The following LMNTD1 variants were observed in gnomAD, a reference collection of about 807,000 sequenced individuals.
LMNTD1 encodes lamin tail domain containing 1.
In LMNTD1, 35 loss-of-function variants were observed where a neutral mutation model predicts 50.9. The observed-to-expected ratio is 0.69, with a 90% CI of 0.53 to 0.91. LMNTD1 has a LOEUF of 0.91. Among genes scored for constraint, LMNTD1 ranks in the 40% least tolerant of loss-of-function variants. The pLI, the probability that LMNTD1 is intolerant of heterozygous loss-of-function variation, is 0.00. For synonymous variants in LMNTD1, 153 were observed against 161.9 expected, an observed-to-expected ratio of 0.94 and a Z score of 0.42; for missense variants, 470 against 475.5, an observed-to-expected ratio of 0.99 and a Z score of 0.11.
intron 4 of LMNTD1, among the ~76,000 whole-genome samples, chr12:25,527,679 TATACACACAC>T (rs1357956804): frequency 2.6e-4 from 5 of 19,260 alleles, no homozygotes; most frequent in South Asian, 4.9e-3. Context: ...TATATATATA[TATACACACAC>T]ACACACACAC....
At chr12:25,642,861 A>G (rs990685972) in intron 1 of LMNTD1, among the ~76,000 whole-genome samples, 3 of 152,182 alleles carry the variant, frequency 2.0e-5, no homozygotes, top group Admixed American at 6.5e-5. Context: ...AGTACAGCCA[A>G]TTGGAATTTT....
intron 1 of LMNTD1, among the ~76,000 whole-genome samples, chr12:25,603,090 G>T (rs192023224): frequency 6.6e-6 from 1 of 152,128 alleles, no homozygotes; most frequent in Non-Finnish European, 1.5e-5. Flanking sequence ...CCCCTCTTAA[G>T]TCTTGCCAGG....
At chr12:25,559,819 T>A (rs796667222) in intron 1 of LMNTD1, among the ~76,000 whole-genome samples, 17 of 152,390 alleles carry the variant, frequency 1.1e-4, no homozygotes, top group African/African-American at 4.1e-4. Flanking sequence ...TTTTTTCACG[T>A]GTCTGTTCAC....
At chr12:25,579,932 A>G (rs1401519465) in intron 1 of LMNTD1, among the ~76,000 whole-genome samples, 1 of 152,136 alleles carries the variant, frequency 6.6e-6, no homozygotes, top group Non-Finnish European at 1.5e-5. Flanking sequence ...TCTCAAGCAT[A>G]GATGTAATTA....
chr12:25,626,790 T>G (rs1946599669), intron 1 of LMNTD1, among the ~76,000 whole-genome samples: 1 of 152,130 alleles, frequency 6.6e-6, no homozygotes, highest in African/African-American at 2.4e-5. Flanking sequence ...AACATAAAGA[T>G]TGCTCCCACC....
chr12:25,552,410 A>G (rs924656344), intron 2 of LMNTD1, among the ~76,000 whole-genome samples: 1 of 151,802 alleles, frequency 6.6e-6, no homozygotes, highest in Non-Finnish European at 1.5e-5. Flanking sequence ...CGAGGTCAGG[A>G]GATCAAGACC....
At chr12:25,631,122 C>T (rs1946709426) in intron 1 of LMNTD1, among the ~76,000 whole-genome samples, 1 of 152,114 alleles carries the variant, frequency 6.6e-6, no homozygotes. Context: ...GGACCTCACC[C>T]CCATCCCCCA....
chr12:25,601,764 C>G (rs1427535453), intron 1 of LMNTD1, among the ~76,000 whole-genome samples: 3 of 151,754 alleles, frequency 2.0e-5, no homozygotes, highest in African/African-American at 7.3e-5. Context: ...TAAGTTAATC[C>G]TTTTCTTTGA....
chr12:25,497,114 A>G (rs1380565629), intron 9 of LMNTD1, among the ~76,000 whole-genome samples: 1 of 152,106 alleles, frequency 6.6e-6, no homozygotes, highest in Non-Finnish European at 1.5e-5. Flanking sequence ...CTGTCGATGA[A>G]CACGTGTTGT....
At chr12:25,490,367 G>A (rs949706886) in intron 9 of LMNTD1, among the ~76,000 whole-genome samples, 1 of 151,938 alleles carries the variant, frequency 6.6e-6, no homozygotes, top group Non-Finnish European at 1.5e-5. Flanking sequence ...TTTTTCAAGG[G>A]CCTCATTTCT....
At chr12:25,633,944 C>T (rs1349481448) in intron 1 of LMNTD1, among the ~76,000 whole-genome samples, 1 of 151,774 alleles carries the variant, frequency 6.6e-6, no homozygotes, top group East Asian at 1.9e-4. Context: ...CAAGATTAAC[C>T]AAGAAAAGAA....
Position 25,553,108 on chromosome 12 carries a change from T to G in LMNTD1, c.-70A>C, listed in dbSNP as rs1453484702. 3 of 1,613,206 alleles carry G rather than the reference T, an allele frequency of 1.9e-6. No homozygotes were observed. Among genetic ancestry groups the G allele is most frequent in the African/African-American group, 1.3e-5 (1 of 75,030 alleles). Reference sequence around the variant, plus strand: ...ACCTTCAAGCATCAGCTAGGTTTAATAATTTCTTTACCAAACTAGTACCAG... The same window carrying G: ...ACCTTCAAGCATCAGCTAGGTTTAAGAATTTCTTTACCAAACTAGTACCAG... On this transcript the variant is annotated 5_prime_UTR_variant, in exon 1 of 10. Transcript: ENST00000458174.
chr12:25,529,052 T>A (rs756434383), intron 4 of LMNTD1, among the ~76,000 whole-genome samples: 23 of 152,192 alleles, frequency 1.5e-4, no homozygotes, highest in Admixed American at 7.9e-4. Flanking sequence ...TCACAATCGG[T>A]AAATTGAGTG....
intron 1 of LMNTD1, among the ~76,000 whole-genome samples, chr12:25,643,439 C>T (rs1165270245): frequency 6.6e-6 from 1 of 151,964 alleles, no homozygotes; most frequent in Non-Finnish European, 1.5e-5. Context: ...TAACAAGGGC[C>T]GGATGATAGA....
intron 1 of LMNTD1, among the ~76,000 whole-genome samples, chr12:25,579,515 G>A (rs941937732): frequency 2.6e-5 from 4 of 152,078 alleles, no homozygotes; most frequent in Admixed American, 6.6e-5. Flanking sequence ...ACAAGGCATC[G>A]ACTAATAAAT....
At chr12:25,504,717 T>A (rs1019133043) in intron 8 of LMNTD1, among the ~76,000 whole-genome samples, 21 of 152,340 alleles carry the variant, frequency 1.4e-4, no homozygotes, top group African/African-American at 4.6e-4. Flanking sequence ...GAAAATGTGA[T>A]CTACAAGGAA....
intron 1 of LMNTD1, among the ~76,000 whole-genome samples, chr12:25,602,959 T>A (rs767832546): frequency 8.5e-5 from 13 of 152,072 alleles, no homozygotes; most frequent in Admixed American, 3.9e-4. Flanking sequence ...TCTGGAGTAT[T>A]GCCAGCAATT....
At chr12:25,640,617 GA>G (rs767704977) in intron 1 of LMNTD1, among the ~76,000 whole-genome samples, 1 of 151,668 alleles carries the variant, frequency 6.6e-6, no homozygotes, top group Non-Finnish European at 1.5e-5. Context: ...AGTTATCCAT[GA>G]CATTACAATT....
chr12:25,481,120 G>A (rs1265172530), intron 9 of LMNTD1, among the ~76,000 whole-genome samples: 7 of 151,278 alleles, frequency 4.6e-5, no homozygotes, highest in African/African-American at 7.4e-5. Flanking sequence ...CACATCCCAC[G>A]TGGCTTGTTC....
Sources: allele counts gnomAD v4.1 joint callset (sites outside exome capture counted in the v4.1 genomes callset), GRCh38; gene constraint gnomAD v4.1.1; transcripts MANE v1.5; gene names NCBI Gene and HGNC (gene_info 2026-07-23, HGNC 2026-07-21).